The following WIPF1 variants were observed in gnomAD, a reference collection of about 807,000 sequenced individuals.
WIPF1 encodes WAS/WASL-interacting protein family member 1.
A neutral mutation model predicts 35.4 loss-of-function variants in WIPF1; 13 were observed. The ratio of observed to expected loss-of-function variants is 0.37; its 90% CI spans 0.24 to 0.58. The LOEUF (loss-of-function observed/expected upper bound fraction) is 0.58. WIPF1 is among the 20% of genes least tolerant of loss of function. WIPF1 has a pLI of 0.74. For synonymous variants in WIPF1, 267 were observed against 266.3 expected, an observed-to-expected ratio of 1.00 and a Z score of -0.02; for missense variants, 591 against 667.0, an observed-to-expected ratio of 0.89 and a Z score of 1.25.
At chr2:174,597,859 C>G (rs1032769976), upstream of WIPF1, 2 of 152,470 alleles carry the variant, frequency 1.3e-5, no homozygotes, top group Non-Finnish European at 2.9e-5. Flanking sequence ...TCCTCCTTTG[C>G]TGCAGAAAAA....
intron 2 of WIPF1, among the ~76,000 whole-genome samples, chr2:174,585,203 G>T (rs943980250): frequency 2.6e-5 from 4 of 152,176 alleles, no homozygotes; most frequent in Admixed American, 1.3e-4. Flanking sequence ...TGAAAACAGT[G>T]CACACTGGTC....
chr2:174,641,306 C>G (rs1470126388), intron 1 of WIPF1, among the ~76,000 whole-genome samples: 1 of 152,188 alleles, frequency 6.6e-6, no homozygotes, highest in East Asian at 1.9e-4. Context: ...GCCTGGGCAA[C>G]CTAATATTGA....
chr2:174,627,401 T>G (rs1337062354), intron 1 of WIPF1, among the ~76,000 whole-genome samples: 1 of 152,046 alleles, frequency 6.6e-6, no homozygotes, highest in Non-Finnish European at 1.5e-5. Context: ...TGATTTTCTT[T>G]TCTTTTTCTT....
At chr2:174,645,236 T>G (rs1574857823) in intron 1 of WIPF1, among the ~76,000 whole-genome samples, 1 of 152,236 alleles carries the variant, frequency 6.6e-6, no homozygotes, top group Admixed American at 6.5e-5. Context: ...ATTCTTATAT[T>G]ACCAATGAGG....
intron 1 of WIPF1, among the ~76,000 whole-genome samples, chr2:174,636,281 C>A (rs1257019713): frequency 6.6e-6 from 1 of 152,080 alleles, no homozygotes; most frequent in Non-Finnish European, 1.5e-5. Context: ...TTTTTAAAGG[C>A]CTTAATAAAA....
chr2:174,636,368 A>C (rs537519869), intron 1 of WIPF1, among the ~76,000 whole-genome samples: 1 of 152,302 alleles, frequency 6.6e-6, no homozygotes, highest in African/African-American at 2.4e-5. Context: ...GGCATTTAAA[A>C]ATTTTAATAT....
At chr2:174,646,567 CG>C (rs1370823699) in intron 1 of WIPF1, among the ~76,000 whole-genome samples, 1 of 152,144 alleles carries the variant, frequency 6.6e-6, no homozygotes, top group Non-Finnish European at 1.5e-5. Flanking sequence ...ATTTTATTCT[CG>C]GGAAATCTAT....
chr2:174,667,130 A>G (rs1687909357), intron 1 of WIPF1, among the ~76,000 whole-genome samples: 4 of 152,208 alleles, frequency 2.6e-5, no homozygotes, highest in Non-Finnish European at 5.9e-5. Context: ...AGAAGACCAG[A>G]TAAACTGCCA....
At chr2:174,664,343 A>G (rs1320532389) in intron 1 of WIPF1, among the ~76,000 whole-genome samples, 1 of 152,148 alleles carries the variant, frequency 6.6e-6, no homozygotes, top group Admixed American at 6.5e-5. Context: ...CCAGGGCCCC[A>G]AGACCACTCC....
chr2:174,662,593 G>C (rs1346808047), intron 1 of WIPF1, among the ~76,000 whole-genome samples: 1 of 152,202 alleles, frequency 6.6e-6, no homozygotes, highest in Non-Finnish European at 1.5e-5. Context: ...GGCCAGACAC[G>C]TGAGTTTCTA....
intron 1 of WIPF1, among the ~76,000 whole-genome samples, chr2:174,647,469 G>A (rs1211367830): frequency 6.6e-6 from 1 of 151,912 alleles, no homozygotes; most frequent in African/African-American, 2.4e-5. Context: ...TGCCTCCCGG[G>A]TTCAAGCCAT....
intron 7 of WIPF1, among the ~76,000 whole-genome samples, chr2:174,563,657 A>C (rs114248533): frequency 0.017 from 2,635 of 152,294 alleles, 41 homozygotes; most frequent in Non-Finnish European, 0.027. Context: ...AAAAAAATTC[A>C]TTTACTACAC....
intron 5 of WIPF1, among the ~76,000 whole-genome samples, chr2:174,570,055 G>A (rs960251767): frequency 3.3e-5 from 5 of 152,180 alleles, no homozygotes; most frequent in Non-Finnish European, 7.3e-5. Context: ...ACAGAGATGT[G>A]TACACATATT....
intron 1 of WIPF1, among the ~76,000 whole-genome samples, chr2:174,658,445 G>A (rs1402065769): frequency 6.6e-6 from 1 of 152,144 alleles, no homozygotes; most frequent in Non-Finnish European, 1.5e-5. Context: ...ATACAGGTGG[G>A]CCTGGAATTC....
intron 4 of WIPF1, among the ~76,000 whole-genome samples, chr2:174,574,093 T>C (rs1489962605): frequency 6.6e-6 from 1 of 152,042 alleles, no homozygotes; most frequent in African/African-American, 2.4e-5. Context: ...GATTTTGCCA[T>C]GTTGCCCAGG....
At chr2:174,645,682 T>G (rs923477646) in intron 1 of WIPF1, among the ~76,000 whole-genome samples, 3 of 152,182 alleles carry the variant, frequency 2.0e-5, no homozygotes. Flanking sequence ...TTGATACCAT[T>G]GTGATGTGAT....
At chr2:174,655,314 G>C (rs771228472) in intron 1 of WIPF1, among the ~76,000 whole-genome samples, 1 of 151,980 alleles carries the variant, frequency 6.6e-6, no homozygotes, top group Admixed American at 6.6e-5. Flanking sequence ...ACCTCCCTCC[G>C]TTCTTAGTAT....
chr2:174,596,954 A>G (rs181629754), intron 1 of WIPF1, among the ~76,000 whole-genome samples: 2 of 152,360 alleles, frequency 1.3e-5, no homozygotes, highest in South Asian at 2.1e-4. Context: ...AAAAATCACA[A>G]TATTTTATGC....
In WIPF1 at chr2:174,622,569, G is replaced by A. The variant is rs1486003661; in HGVS notation, c.-38-36958C>T. On this transcript the variant is annotated intron_variant, in intron 1 of 8. Transcript: ENST00000272746. The surrounding 1 kb of genome is among the most constrained non-coding windows in gnomAD (Gnocchi z 5.1). ...CACTATAGGATCCCCTCTCTATGCC[G>A]CCAGTGCTCCGTGGGGTGCGCCTAT... Among the ~76,000 whole-genome samples the A allele has an allele frequency of 1.3e-5, 2 of 152,126 alleles. No homozygotes were observed. Among genetic ancestry groups the A allele is most frequent in the Admixed American group, 6.6e-5 (1 of 15,266 alleles).
Sources: gnomAD v4.1 joint callset for allele counts (sites outside exome capture counted in the v4.1 genomes callset) on GRCh38, gnomAD v4.1.1 for gene constraint, Gnocchi (gnomAD v3.1) non-coding constraint, MANE v1.5 for transcripts, NCBI Gene and HGNC (gene_info 2026-07-23, HGNC 2026-07-21) for gene names.